Variants in MIR2052HG observed in about 807,000 individuals in gnomAD.
The protein encoded by MIR2052HG is MIR2052 host gene.
At chr8:74,730,759 A>G (rs1372298711) in intron 4 of MIR2052HG, among the ~76,000 whole-genome samples, 1 of 151,964 alleles carries the variant, frequency 6.6e-6, no homozygotes, top group Non-Finnish European at 1.5e-5. Context: ...GTTTACATGA[A>G]TATATATATT....
intron 2 of MIR2052HG, among the ~76,000 whole-genome samples, chr8:74,682,367 G>T (rs1809134979): frequency 6.6e-6 from 1 of 151,852 alleles, no homozygotes; most frequent in Admixed American, 6.6e-5. Flanking sequence ...GTTAAAACCT[G>T]AAAAGTATAT....
At chr8:74,746,020 G>T (rs1221486110) in intron 4 of MIR2052HG, among the ~76,000 whole-genome samples, 1 of 152,110 alleles carries the variant, frequency 6.6e-6, no homozygotes, top group Non-Finnish European at 1.5e-5. Context: ...AGTTAGAGGG[G>T]GAAGAGACTG....
intron 2 of MIR2052HG, chr8:74,628,887 A>C (rs2128733812): frequency 8.6e-6 from 1 of 116,638 alleles, no homozygotes; most frequent in East Asian, 3.1e-4. Context: ...AAATTGCTGG[A>C]AAAAGAAAAA....
At chr8:74,656,201 T>G (rs1023891186) in intron 2 of MIR2052HG, among the ~76,000 whole-genome samples, 2 of 152,152 alleles carry the variant, frequency 1.3e-5, no homozygotes, top group Non-Finnish European at 2.9e-5. Context: ...AGATGAGACT[T>G]TGGACTGTGG....
At chr8:74,604,120 T>C (rs962602917) in intron 1 of MIR2052HG, 2 of 896,464 alleles carry the variant, frequency 2.2e-6, no homozygotes, top group African/African-American at 1.6e-5. Context: ...TGCACCACTC[T>C]CCTCGCGCAT....
intron 4 of MIR2052HG, among the ~76,000 whole-genome samples, chr8:74,747,857 G>A (rs561917185): frequency 3.2e-4 from 49 of 152,298 alleles, no homozygotes; most frequent in African/African-American, 1.2e-3. Flanking sequence ...GCCTTGGGAA[G>A]TAGTCAAGTC....
chr8:74,658,237 CT>C (rs1410597880), intron 2 of MIR2052HG, among the ~76,000 whole-genome samples: 1 of 152,102 alleles, frequency 6.6e-6, no homozygotes, highest in African/African-American at 2.4e-5. Flanking sequence ...TCTGCCCTGA[CT>C]TTTTTCATTC....
intron 2 of MIR2052HG, among the ~76,000 whole-genome samples, chr8:74,635,937 A>G (rs1808576591): frequency 6.6e-6 from 1 of 152,184 alleles, no homozygotes; most frequent in South Asian, 2.1e-4. Context: ...ATGACATATT[A>G]AGTAATGGAA....
chr8:74,675,371 T>C (rs1201163289), intron 2 of MIR2052HG, among the ~76,000 whole-genome samples: 5 of 152,086 alleles, frequency 3.3e-5, no homozygotes, highest in Admixed American at 6.6e-5. Flanking sequence ...AACCATTATT[T>C]ACATAGCATT....
intron 4 of MIR2052HG, among the ~76,000 whole-genome samples, chr8:74,706,370 C>G (rs1455984246): frequency 6.6e-6 from 1 of 152,026 alleles, no homozygotes; most frequent in Admixed American, 6.6e-5. Context: ...CTAAGTCATC[C>G]CTCATAAATT....
chr8:74,713,633 T>A (rs1255644960), intron 4 of MIR2052HG, among the ~76,000 whole-genome samples: 2 of 152,174 alleles, frequency 1.3e-5, no homozygotes, highest in African/African-American at 4.8e-5. Flanking sequence ...TACCATAGGA[T>A]GCTAATATAT....
chr8:74,646,089 C>T (rs1808687940), intron 2 of MIR2052HG, among the ~76,000 whole-genome samples: 1 of 152,168 alleles, frequency 6.6e-6, no homozygotes, highest in Non-Finnish European at 1.5e-5. Context: ...GTCTTTGCCC[C>T]TCTGCAACTG....
intron 2 of MIR2052HG, among the ~76,000 whole-genome samples, chr8:74,692,706 A>G (rs2128740052): frequency 6.6e-6 from 1 of 152,278 alleles, no homozygotes; most frequent in East Asian, 1.9e-4. Context: ...AGTTGTTTCT[A>G]CCCTTTGATG....
intron 2 of MIR2052HG, among the ~76,000 whole-genome samples, chr8:74,641,175 C>T (rs981764083): frequency 2.6e-5 from 4 of 152,122 alleles, no homozygotes; most frequent in Non-Finnish European, 5.9e-5. Context: ...AAACAGCCTT[C>T]CTATTATTCT....
intron 4 of MIR2052HG, chr8:74,705,661 T>G (rs775803717): frequency 1.2e-5 from 2 of 170,188 alleles, no homozygotes; most frequent in Non-Finnish European, 2.9e-5. Context: ...AAAAAGACCA[T>G]GTCAGTTTCT....
At chr8:74,699,675 T>C (rs991247019) in intron 2 of MIR2052HG, among the ~76,000 whole-genome samples, 1 of 151,946 alleles carries the variant, frequency 6.6e-6, no homozygotes, top group Admixed American at 6.6e-5. Flanking sequence ...AGACGACATA[T>C]TGGGTACAGT....
At chr8:74,626,698 A>G (rs1379707680) in intron 2 of MIR2052HG, among the ~76,000 whole-genome samples, 1 of 152,124 alleles carries the variant, frequency 6.6e-6, no homozygotes, top group Non-Finnish European at 1.5e-5. Context: ...CTCTTTCTGT[A>G]TTTTTTGAGT....
chr8:74,735,369 A>G lies in MIR2052HG; in HGVS notation n.372-17072A>G, dbSNP rs145775302. 4.2e-3 allele frequency among the ~76,000 whole-genome samples: 636 copies of G among 152,322 alleles called. 3 individuals carry two copies. The highest frequency in any genetic ancestry group is 0.015 in the African/African-American group (617 of 41,574). ...TTACTTGCAGGTTTTATGGTCTAAT[A>G]GGGTTTTAAAACTGAAGGGGATCTT... On this transcript the variant is annotated intron_variant and non_coding_transcript_variant, in intron 4 of 6. Transcript: ENST00000523442.
In MIR2052HG at chr8:74,740,753, T is replaced by C. The variant is rs576186993; in HGVS notation, n.372-11688T>C. Among the ~76,000 whole-genome samples the C allele has an allele frequency of 4.6e-5, 7 of 152,316 alleles. 1 individual carries two copies. The highest frequency in any genetic ancestry group is 4.6e-4 in the Admixed American group (7 of 15,290). ...AGTTGAATACATGACCAATTCCTCT[T>C]AGAAAAATCGTCTTATTGCTTTGAA... On this transcript the variant is annotated intron_variant and non_coding_transcript_variant, in intron 4 of 6. Transcript: ENST00000523442.
Sources: gnomAD v4.1 joint callset for allele counts (sites outside exome capture counted in the v4.1 genomes callset) on GRCh38, gnomAD v4.1.1 for gene constraint, MANE v1.5 for transcripts, NCBI Gene and HGNC (gene_info 2026-07-23, HGNC 2026-07-21) for gene names.